CDH13: variants seen among roughly 807,000 people sequenced by gnomAD.
CDH13 encodes the protein cadherin 13, also known as cadherin-13.
In CDH13, 24 loss-of-function variants were observed where a neutral mutation model predicts 63.8. The ratio of observed to expected loss-of-function variants is 0.38; its 90% CI spans 0.27 to 0.53. The LOEUF (loss-of-function observed/expected upper bound fraction) is 0.53. CDH13 is among the 20% of genes least tolerant of loss of function. The pLI, the probability that CDH13 is intolerant of heterozygous loss-of-function variation, is 0.85. For synonymous variants in CDH13, 503 were observed against 355.3 expected, an observed-to-expected ratio of 1.42 and a Z score of -4.67; for missense variants, 1,049 against 903.1, an observed-to-expected ratio of 1.16 and a Z score of -2.07.
intron 5 of CDH13, among the ~76,000 whole-genome samples, chr16:83,255,547 C>T (rs550281847): frequency 6.6e-6 from 1 of 152,308 alleles, no homozygotes; most frequent in African/African-American, 2.4e-5. Context: ...GACTTGATTA[C>T]CTCCCTGCTC....
intron 6 of CDH13, among the ~76,000 whole-genome samples, chr16:83,348,403 G>A (rs2090883807): frequency 1.3e-5 from 2 of 152,182 alleles, no homozygotes; most frequent in African/African-American, 2.4e-5. Context: ...GGTGTTAAGT[G>A]TTGAGGCCTT....
At chr16:82,700,951 A>ACCACCCCCCCC (rs1567641690) in intron 1 of CDH13, among the ~76,000 whole-genome samples, 2 of 13,806 alleles carry the variant, frequency 1.4e-4, no homozygotes, top group Non-Finnish European at 4.1e-4. Flanking sequence ...AAGTGCTGGA[A>ACCACCCCCCCC]CCCGCCCCCC....
intron 2 of CDH13, among the ~76,000 whole-genome samples, chr16:82,912,339 G>C (rs2041856948): frequency 6.6e-6 from 1 of 152,134 alleles, no homozygotes; most frequent in Non-Finnish European, 1.5e-5. Context: ...ATCCTTTCCT[G>C]CTCCATTCTA....
intron 3 of CDH13, among the ~76,000 whole-genome samples, chr16:83,066,181 T>C (rs1376496429): frequency 6.6e-6 from 1 of 152,202 alleles, no homozygotes; most frequent in East Asian, 1.9e-4. Context: ...TGTAAAGCAC[T>C]TTGGCTTTTT....
chr16:83,232,101 C>T (rs1019987337), intron 5 of CDH13, among the ~76,000 whole-genome samples: 1 of 151,558 alleles, frequency 6.6e-6, no homozygotes, highest in African/African-American at 2.4e-5. Context: ...CTAATGGGTG[C>T]TAGGCTTAAT....
intron 6 of CDH13, among the ~76,000 whole-genome samples, chr16:83,439,774 A>C (rs910164522): frequency 6.6e-6 from 1 of 152,218 alleles, no homozygotes; most frequent in African/African-American, 2.4e-5. Flanking sequence ...ACCAACATCT[A>C]ATTAATGTCC....
chr16:83,324,287 G>C (rs534175806), intron 5 of CDH13, among the ~76,000 whole-genome samples: 8 of 151,940 alleles, frequency 5.3e-5, no homozygotes, highest in Admixed American at 5.2e-4. Flanking sequence ...CACCCGCCTC[G>C]GCCTTGCAAA....
At chr16:82,896,354 C>A (rs1466407961) in intron 2 of CDH13, among the ~76,000 whole-genome samples, 1 of 138,002 alleles carries the variant, frequency 7.2e-6, no homozygotes, top group Non-Finnish European at 1.5e-5. Context: ...TGCAGTGGCG[C>A]TATCACAGCT....
intron 6 of CDH13, among the ~76,000 whole-genome samples, chr16:83,483,323 A>G (rs1474089448): frequency 6.6e-6 from 1 of 152,222 alleles, no homozygotes; most frequent in African/African-American, 2.4e-5. Flanking sequence ...CTAACAATCC[A>G]TTAAAATAAA....
chr16:82,889,861 G>T (rs749509013), intron 2 of CDH13, among the ~76,000 whole-genome samples: 2 of 152,244 alleles, frequency 1.3e-5, no homozygotes, highest in African/African-American at 2.4e-5. Flanking sequence ...GGATTTTCGA[G>T]TGGGAAGACT....
At chr16:82,748,054 T>C (rs2034254909) in intron 1 of CDH13, among the ~76,000 whole-genome samples, 1 of 152,220 alleles carries the variant, frequency 6.6e-6, no homozygotes, top group African/African-American at 2.4e-5. Context: ...GTTAAATGCC[T>C]TCCGTGGGTC....
At chr16:83,090,634 A>G (rs1271703594) in intron 3 of CDH13, among the ~76,000 whole-genome samples, 1 of 151,928 alleles carries the variant, frequency 6.6e-6, no homozygotes, top group Non-Finnish European at 1.5e-5. Context: ...AATGGCAGCA[A>G]CATTCCTAGC....
chr16:82,994,725 C>G (rs1223746097), intron 2 of CDH13, among the ~76,000 whole-genome samples: 1 of 152,194 alleles, frequency 6.6e-6, no homozygotes, highest in Non-Finnish European at 1.5e-5. Flanking sequence ...TGATAGTATT[C>G]AAGCCCCAAA....
Position 83,783,421 on chromosome 16 carries a change from C to T in CDH13, c.2083C>T (p.Leu695=), listed in dbSNP as rs377580030. 1.2e-5 allele frequency: 20 copies of T among 1,613,886 alleles called. No homozygotes were observed. In the African/African-American group the frequency reaches 2.7e-4, roughly 22 times the overall value. Residue 695 remains leucine, a synonymous_variant, in exon 13 of 14, where the codon CTG becomes TTG. Transcript: ENST00000567109. ...SKVDCNAAGA[L]RFSLPSVLLL... is the part of the protein sequence containing the mutation. ...AGTGGACTGCAACGCGGCAGGGGCC[C>T]TGCGCTTCAGCCTGCCCTCAGTCCT...
chr16:83,074,112 C>G lies in CDH13; in HGVS notation c.366+41894C>G, dbSNP rs536073092. On this transcript the variant is annotated intron_variant, in intron 3 of 13. Coordinates refer to ENST00000567109, the MANE Select transcript of CDH13 (RefSeq NM_001257.5). ...TCCTTCTGTCTACTGCCTGTTTGTA[C>G]TTAACTAATTTCTCTTCACTTACCC... is the stretch of plus-strand genomic sequence containing the variant. Among the ~76,000 whole-genome samples, 11 of 152,254 alleles carry G rather than the reference C, an allele frequency of 7.2e-5. No homozygotes were observed. The South Asian group carries it at 1.5e-3, about 20-fold the overall frequency.
chr16:82,841,763 A>C (rs1358583930), intron 1 of CDH13, among the ~76,000 whole-genome samples: 1 of 152,120 alleles, frequency 6.6e-6, no homozygotes, highest in Non-Finnish European at 1.5e-5. Context: ...AAGGTCCTAC[A>C]AAAATTCAGA....
At chr16:82,809,659 A>C (rs564765133) in intron 1 of CDH13, among the ~76,000 whole-genome samples, 1 of 152,148 alleles carries the variant, frequency 6.6e-6, no homozygotes, top group Non-Finnish European at 1.5e-5. Flanking sequence ...CAAGCAACAT[A>C]AAGGTATTAA....
chr16:82,665,495 A>G (rs530047070), intron 1 of CDH13, among the ~76,000 whole-genome samples: 1 of 152,338 alleles, frequency 6.6e-6, no homozygotes, highest in Admixed American at 6.5e-5. Flanking sequence ...TATGTTAAGT[A>G]TTCATGGTGA....
intron 8 of CDH13, among the ~76,000 whole-genome samples, chr16:83,629,238 A>G (rs1910575147): frequency 1.3e-5 from 2 of 152,262 alleles, no homozygotes; most frequent in South Asian, 2.1e-4. Flanking sequence ...AGATTGCCCA[A>G]AGAAGTTTTG....
Sources: allele counts gnomAD v4.1 joint callset (sites outside exome capture counted in the v4.1 genomes callset), GRCh38; gene constraint gnomAD v4.1.1; transcripts MANE v1.5; gene names NCBI Gene and HGNC (gene_info 2026-07-23, HGNC 2026-07-21).